The following DNAH9 variants were observed in gnomAD, a reference collection of about 807,000 sequenced individuals.
DNAH9 encodes DNAH9 variant protein.
Under a neutral mutation model 471.6 loss-of-function variants are expected in DNAH9, and 345 were observed. That is an observed-to-expected ratio of 0.73 (90% confidence interval 0.67 to 0.80). The LOEUF (loss-of-function observed/expected upper bound fraction) is 0.80, where lower values mean the gene tolerates loss of function less well. DNAH9 is among the 30% of genes least tolerant of loss of function. The pLI, the probability that DNAH9 is intolerant of heterozygous loss-of-function variation, is 0.00. For missense variants in DNAH9, 5,407 were observed against 5,609.2 expected (o/e 0.96, Z 1.15); for synonymous variants, 2,093 against 2,123.6 (o/e 0.99, Z 0.40).
chr17:11,822,204 G>C lies in DNAH9; in HGVS notation c.8850+142G>C, dbSNP rs1442742233. ...CGGCACCCTTCTCAGCCTGAGCACA[G>C]TTGCCAGGACACCCTTCTCATCTGC... is the stretch of plus-strand genomic sequence containing the variant. On this transcript the variant is annotated intron_variant, in intron 46 of 68. Coordinates refer to ENST00000262442, the MANE Select transcript of DNAH9 (RefSeq NM_001372.4). 2.7e-6 allele frequency: 3 copies of C among 1,094,984 alleles called. No homozygotes were observed. The Admixed American group carries it at 8.1e-5, about 30-fold the overall frequency. The allele number at this position is 1,094,984 out of a possible 1,614,324, so 67.8% of individuals were successfully genotyped here. A position where few individuals can be genotyped will look rare whatever the true frequency, so the allele number is the denominator to read the frequency against.
intron 26 of DNAH9, among the ~76,000 whole-genome samples, chr17:11,718,055 T>TGG (rs1394347311): frequency 1.3e-5 from 2 of 151,690 alleles, no homozygotes; most frequent in African/African-American, 2.4e-5. Context: ...TGTGTGTGTG[T>TGG]GTGTAGATAT....
At chr17:11,697,537 A>AT (rs2074497777) in intron 22 of DNAH9, among the ~76,000 whole-genome samples, 1 of 152,118 alleles carries the variant, frequency 6.6e-6, no homozygotes, top group Non-Finnish European at 1.5e-5. Flanking sequence ...ACATGATGAG[A>AT]TTTTGTCCTA....
Position 11,617,607 on chromosome 17 carries a change from C to A in DNAH9, c.1101C>A (p.Asn367Lys). The part of the protein sequence containing the change: ...RLTVLLQEIC[N>K]LLIQQASNYL... ...CTGTGCTGCTCCAGGAGATTTGCAACCTTCTCATCCAGCAGGTGGGCTGCC... is the reference window on the plus strand; with the variant it reads ...CTGTGCTGCTCCAGGAGATTTGCAAACTTCTCATCCAGCAGGTGGGCTGCC... Residue 367 changes from asparagine (N) to lysine (K), a missense_variant, in exon 5 of 69, where the codon AAC (asparagine) becomes AAA (lysine). Coordinates refer to ENST00000262442, the MANE Select transcript of DNAH9 (RefSeq NM_001372.4). 6.2e-7 allele frequency: 1 copy of A among 1,614,030 alleles called. No individual in the cohort carries two copies. The highest frequency in any genetic ancestry group is 8.5e-7 in the Non-Finnish European group (1 of 1,179,986).
intron 1 of DNAH9, among the ~76,000 whole-genome samples, chr17:11,606,423 A>G (rs2072503696): frequency 6.8e-6 from 1 of 147,810 alleles, no homozygotes. Flanking sequence ...GTTTACTGAC[A>G]ACTTTCTTTC....
At chr17:11,772,232 A>C (rs1968236580) in intron 38 of DNAH9, among the ~76,000 whole-genome samples, 2 of 138,288 alleles carry the variant, frequency 1.4e-5, no homozygotes, top group African/African-American at 6.3e-5. Context: ...TAGAATAATA[A>C]TTTATTCTAA....
At chr17:11,690,916 G>T (rs1302637080) in intron 20 of DNAH9, among the ~76,000 whole-genome samples, 2 of 152,030 alleles carry the variant, frequency 1.3e-5, no homozygotes, top group Non-Finnish European at 2.9e-5. Flanking sequence ...CCAAACAATG[G>T]ATTCCCCTAA....
chr17:11,812,059 A>C (rs1475145360), intron 45 of DNAH9, among the ~76,000 whole-genome samples: 1 of 133,358 alleles, frequency 7.5e-6, no homozygotes, highest in Non-Finnish European at 1.6e-5. Flanking sequence ...ATATATACAC[A>C]TACATACACA....
At chr17:11,715,567 G>T (rs556985978) in intron 26 of DNAH9, among the ~76,000 whole-genome samples, 2 of 152,084 alleles carry the variant, frequency 1.3e-5, no homozygotes, top group South Asian at 2.1e-4. Flanking sequence ...CCCTTCCAAC[G>T]CTAACGTTCC....
At chr17:11,608,470 C>T in intron 2 of DNAH9, 145 bp downstream of exon 2, 1 of 669,738 alleles carries the variant, frequency 1.5e-6, no homozygotes, top group South Asian at 2.0e-5. Flanking sequence ...TGTTTGCCGA[C>T]ACCCTCAGAC....
chr17:11,940,849 T>C (rs1193259600), intron 66 of DNAH9, among the ~76,000 whole-genome samples: 1 of 152,190 alleles, frequency 6.6e-6, no homozygotes, highest in Admixed American at 6.5e-5. Context: ...AACTTGCTTA[T>C]GTTCACATGG....
chr17:11,613,756 T>G (rs1203401990), intron 4 of DNAH9, among the ~76,000 whole-genome samples: 1 of 152,138 alleles, frequency 6.6e-6, no homozygotes, highest in East Asian at 1.9e-4. Flanking sequence ...AAATATGAAG[T>G]AAGCAATAGA....
chr17:11,672,195 G>A (rs536429289), intron 17 of DNAH9, among the ~76,000 whole-genome samples: 31 of 152,152 alleles, frequency 2.0e-4, no homozygotes, highest in African/African-American at 6.5e-4. Flanking sequence ...CTTTTATTAC[G>A]TAAATTCTCA....
chr17:11,647,274 A>G, intron 12 of DNAH9, 76 bp downstream of exon 12: 1 of 1,441,306 alleles, frequency 6.9e-7, no homozygotes, highest in Non-Finnish European at 9.5e-7. Context: ...AAAAGCGTAA[A>G]GACTTTTATT....
intron 49 of DNAH9, among the ~76,000 whole-genome samples, chr17:11,843,863 G>GTGTGTA (rs1253794533): frequency 4.7e-4 from 22 of 46,470 alleles, no homozygotes; most frequent in African/African-American, 1.6e-3. Flanking sequence ...GTGTGTGTGT[G>GTGTGTA]TATATATATA....
rs528030332 is a variant in DNAH9 at position 11,961,921 on chromosome 17, G to C, written c.12898G>C (p.Asp4300His). ...MENLQNALYF[D>H]MVPESWARRA... is the part of the protein sequence containing the mutation. ...GAACTTACAGAATGCCCTGTACTTC[G>C]ATATGGTGCCAGAGTCCTGGGCTAG... Residue 4300 changes from aspartate (D) to histidine (H), a missense_variant, in exon 68 of 69, where the codon GAT (aspartate) becomes CAT (histidine). Asp to His is a moderately conservative substitution (Grantham distance 81, BLOSUM62 -1). Coordinates refer to ENST00000262442, the MANE Select transcript of DNAH9 (RefSeq NM_001372.4). 1.9e-6 allele frequency: 3 copies of C among 1,614,024 alleles called. No individual in the cohort carries two copies. The South Asian group carries it at 3.3e-5, about 18-fold the overall frequency.
intron 31 of DNAH9, among the ~76,000 whole-genome samples, chr17:11,745,971 A>G (rs546782580): frequency 2.0e-4 from 31 of 152,236 alleles, no homozygotes; most frequent in Non-Finnish European, 4.3e-4. Flanking sequence ...CCAACATGTT[A>G]CCAGTAAGAA....
intron 43 of DNAH9, among the ~76,000 whole-genome samples, chr17:11,799,505 C>T (rs984003364): frequency 2.6e-5 from 4 of 151,774 alleles, no homozygotes; most frequent in Non-Finnish European, 5.9e-5. Context: ...CACCATAGAC[C>T]CCATCACCCC....
chr17:11,654,374 A>AAAAAAAAAAAAAAAAAG lies in DNAH9; in HGVS notation c.2595+1376_2595+1377insAAAAAAAAAAAAGAAAA, dbSNP rs1353333314. The stretch of plus-strand genomic sequence containing the variant: ...CCGTCTCAAAAAAAAAAAAAAAAAA[A>AAAAAAAAAAAAAAAAAG]AAAAGTTTAAAATCGATCTATCATC... On this transcript the variant is annotated intron_variant, in intron 14 of 68. Transcript: ENST00000262442. Among the ~76,000 whole-genome samples, 31 of 57,792 alleles carry AAAAAAAAAAAAAAAAAG rather than the reference A, an allele frequency of 5.4e-4. 2 individuals are homozygous for AAAAAAAAAAAAAAAAAG. Among genetic ancestry groups the AAAAAAAAAAAAAAAAAG allele is most frequent in the Non-Finnish European group, 9.5e-4 (23 of 24,154 alleles). The allele number at this position is 57,792 out of a possible 152,430, so 37.9% of individuals were successfully genotyped here.
At chr17:11,665,361 T>C (rs1597452747) in intron 15 of DNAH9, among the ~76,000 whole-genome samples, 1 of 152,328 alleles carries the variant, frequency 6.6e-6, no homozygotes. Flanking sequence ...GCCTTCAAGC[T>C]TCATGTATTT....
Sources: allele counts gnomAD v4.1 joint callset (sites outside exome capture counted in the v4.1 genomes callset), GRCh38; gene constraint gnomAD v4.1.1; transcripts MANE v1.5; gene names NCBI Gene and HGNC (gene_info 2026-07-23, HGNC 2026-07-21).